The following EXD3 variants were observed in gnomAD, a reference collection of about 807,000 sequenced individuals.
The protein encoded by EXD3 is exonuclease mut-7 homolog.
EXD3 carries 92 observed loss-of-function variants against 98.0 expected under a neutral mutation model. The observed-to-expected ratio is 0.94, with a 90% CI of 0.79 to 1.12. The LOEUF is 1.12. EXD3 is among the 50% of genes most tolerant of loss of function. The pLI, the probability that EXD3 is intolerant of heterozygous loss-of-function variation, is 0.00. For synonymous variants in EXD3, 569 were observed against 526.0 expected (o/e 1.08, Z -1.12); for missense variants, 1,222 against 1,191.6 (o/e 1.03, Z -0.38).
rs1001180774 is a variant in EXD3 at position 137,385,135 on chromosome 9, C to T, written c.56-1758G>A. ...CATAAAACACCGTGGGGCGCCCAGG[C>T]TCCACCATGGCGTCTCTGCAGCCAC... On this transcript the variant is annotated intron_variant, in intron 2 of 21. Coordinates refer to ENST00000340951, the MANE Select transcript of EXD3 (RefSeq NM_017820.5). This position sits in a 1 kb window ranked among gnomAD's most constrained non-coding sequence, Gnocchi z 4.4. Among the ~76,000 whole-genome samples the T allele has an allele frequency of 2.0e-5, 3 of 152,212 alleles. No homozygotes were observed. The highest frequency in any genetic ancestry group is 7.2e-5 in the African/African-American group (3 of 41,462).
chr9:137,381,408 T>G (rs1480349884), intron 3 of EXD3, among the ~76,000 whole-genome samples: 1 of 82,412 alleles, frequency 1.2e-5, no homozygotes, highest in Non-Finnish European at 2.2e-5. Context: ...AGAACAAGAC[T>G]CCTTCTCAAA....
At chr9:137,337,220 C>G (rs905263876) in intron 17 of EXD3, among the ~76,000 whole-genome samples, 10 of 152,176 alleles carry the variant, frequency 6.6e-5, no homozygotes, top group Admixed American at 2.6e-4. Flanking sequence ...TAATAATATG[C>G]ATATGCACCT....
At chr9:137,355,099 C>T (rs1200958693) in intron 8 of EXD3, among the ~76,000 whole-genome samples, 2 of 152,254 alleles carry the variant, frequency 1.3e-5, no homozygotes, top group East Asian at 3.8e-4. Context: ...CCTTCTCTCA[C>T]TGGCACGTGG....
In EXD3 at chr9:137,356,457, T is replaced by C. The variant is rs564073421; in HGVS notation, c.657-89A>G. 5.9e-5 allele frequency: 52 copies of C among 878,986 alleles called. No homozygotes were observed. The African/African-American group carries it at 6.7e-4, about 11-fold the overall frequency. The allele number at this position is 878,986 out of a possible 1,614,324, so 54.4% of individuals were successfully genotyped here. A position where few individuals can be genotyped will look rare whatever the true frequency, so the allele number is the denominator to read the frequency against. ...TTTTCATCATAGTCATATGCATGCATAGTTTAAACCTCAAGTGAGGTTTAT... is the reference window on the plus strand; with the variant it reads ...TTTTCATCATAGTCATATGCATGCACAGTTTAAACCTCAAGTGAGGTTTAT... On this transcript the variant is annotated intron_variant, in intron 7 of 21. Transcript: ENST00000340951.
intron 1 of EXD3, among the ~76,000 whole-genome samples, chr9:137,396,309 G>A (rs770253686): frequency 2.6e-5 from 4 of 152,192 alleles, no homozygotes; most frequent in Admixed American, 6.5e-5. Context: ...CTACACTTAC[G>A]AGGGTCACCC....
intron 17 of EXD3, among the ~76,000 whole-genome samples, chr9:137,329,267 G>GA (rs1198239429): frequency 4.8e-5 from 1 of 20,676 alleles, no homozygotes. Context: ...GGCTACACGG[G>GA]GCTACACGGG....
chr9:137,330,401 A>G (rs1369369769), intron 17 of EXD3, among the ~76,000 whole-genome samples: 1 of 111,930 alleles, frequency 8.9e-6, no homozygotes, highest in African/African-American at 3.4e-5. Flanking sequence ...GGAGCTACAC[A>G]GGGCTCCACA....
chr9:137,348,186 C>A lies in EXD3; in HGVS notation c.1883G>T (p.Arg628Met). 6.2e-7 allele frequency: 1 copy of A among 1,612,088 alleles called. No homozygotes were observed. Reference sequence around the variant, plus strand: ...GTTGTCACACACCACACGGAAGGCCCTGGCCGGAATCTGAGGGGCAGCGCC... The same window carrying A: ...GTTGTCACACACCACACGGAAGGCCATGGCCGGAATCTGAGGGGCAGCGCC... ...SEGAAPQIPA[R>M]AFRVVCDNML... Residue 628 changes from arginine to methionine, a missense_variant, in exon 17 of 22, where the codon AGG becomes ATG. Coordinates refer to ENST00000340951, the MANE Select transcript of EXD3 (RefSeq NM_017820.5).
At chr9:137,391,296 G>A (rs74771836) in intron 2 of EXD3, among the ~76,000 whole-genome samples, 1,555 of 152,342 alleles carry the variant, frequency 0.01, 14 homozygotes, top group Non-Finnish European at 0.015. Context: ...CCTGTTCACC[G>A]CCGTGTCCAC....
At chr9:137,337,386 C>T (rs921714996) in intron 17 of EXD3, among the ~76,000 whole-genome samples, 7 of 152,120 alleles carry the variant, frequency 4.6e-5, no homozygotes, top group Non-Finnish European at 1.0e-4. Flanking sequence ...GGTGCGGTGG[C>T]TCACACCTAT....
Position 137,356,330 on chromosome 9 carries a change from A to G in EXD3, c.695T>C (p.Leu232Pro). The G allele has an allele frequency of 1.2e-6, 2 of 1,604,770 alleles. No individual in the cohort carries two copies. Among genetic ancestry groups the G allele is most frequent in the Non-Finnish European group, 8.5e-7 (1 of 1,176,088 alleles). Residue 232 changes from leucine to proline, a missense_variant, in exon 8 of 22, where the codon CTG becomes CCG. Coordinates refer to ENST00000340951, the MANE Select transcript of EXD3 (RefSeq NM_017820.5). Reference protein sequence around the residue: ...PEVTSLSLEKLSPKALSRQVL... With the variant: ...PEVTSLSLEKPSPKALSRQVL... The stretch of plus-strand genomic sequence containing the variant: ...CTGCCTGCTCAGCGCCTTCGGACTC[A>G]GCTTCTCCAGGCTCAAGGAGGTCAC...
At position 137,354,787 on chromosome 9, in the gene EXD3, C is replaced by G. The variant is rs373948400; in HGVS notation, c.758-14G>C. The G allele has an allele frequency of 1.2e-6, 2 of 1,607,100 alleles. No individual in the cohort carries two copies. Among genetic ancestry groups the G allele is most frequent in the Non-Finnish European group, 1.7e-6 (2 of 1,178,640 alleles). On this transcript the variant is annotated splice_polypyrimidine_tract_variant and intron_variant, in intron 8 of 21. Coordinates refer to ENST00000340951, the MANE Select transcript of EXD3 (RefSeq NM_017820.5). ...TGGGACACAGCGCTGAAAGGAAAGGCCAGCTCAGCACTGAGGGCTCAGGGC... is the reference window on the plus strand; with the variant it reads ...TGGGACACAGCGCTGAAAGGAAAGGGCAGCTCAGCACTGAGGGCTCAGGGC...
chr9:137,370,286 C>CA (rs1279927170), intron 5 of EXD3, among the ~76,000 whole-genome samples: 1 of 152,202 alleles, frequency 6.6e-6, no homozygotes, highest in Admixed American at 6.5e-5. Context: ...GGACGGTGTA[C>CA]AGCTGCCCAC....
chr9:137,355,403 G>C (rs1438811112), intron 8 of EXD3, among the ~76,000 whole-genome samples: 1 of 108,640 alleles, frequency 9.2e-6, no homozygotes, highest in East Asian at 2.8e-4. Context: ...GCGACCATCT[G>C]CCCTGAGGCA....
chr9:137,353,933 C>T (rs1009637097), intron 10 of EXD3: 29 of 1,028,042 alleles, frequency 2.8e-5, no homozygotes, highest in African/African-American at 2.0e-4. Flanking sequence ...TTCTTCAGGA[C>T]GTCCGCTGCC....
chr9:137,313,829 C>T (rs75060201), intron 19 of EXD3, among the ~76,000 whole-genome samples: 132 of 152,288 alleles, frequency 8.7e-4, no homozygotes, highest in Non-Finnish European at 1.5e-3. Context: ...ACTGGGAAAA[C>T]GGCAAAGCAT....
intron 3 of EXD3, among the ~76,000 whole-genome samples, chr9:137,379,961 G>A (rs1836145035): frequency 1.3e-5 from 2 of 151,966 alleles, no homozygotes; most frequent in South Asian, 4.1e-4. Context: ...CATGGACCCA[G>A]TGCCCACTGC....
chr9:137,329,260 T>C (rs1251592908), intron 17 of EXD3, among the ~76,000 whole-genome samples: 1 of 14,340 alleles, frequency 7.0e-5, no homozygotes, highest in Admixed American at 8.1e-4. Context: ...TACACGGGGC[T>C]ACACGGGGCT....
At chr9:137,418,136 C>A (rs1000597394) in intron 1 of EXD3, among the ~76,000 whole-genome samples, 4 of 152,186 alleles carry the variant, frequency 2.6e-5, no homozygotes, top group Non-Finnish European at 4.4e-5. Flanking sequence ...CACCTGAGGT[C>A]AGGAGTTCCA....
Sources: allele counts gnomAD v4.1 joint callset (sites outside exome capture counted in the v4.1 genomes callset), GRCh38; gene constraint gnomAD v4.1.1; non-coding constraint Gnocchi (gnomAD v3.1); transcripts MANE v1.5; gene names NCBI Gene and HGNC (gene_info 2026-07-23, HGNC 2026-07-21).